SPON1: variants seen among roughly 807,000 people sequenced by gnomAD.
The protein encoded by SPON1 is spondin-1.
In SPON1, 52 loss-of-function variants were observed where a neutral mutation model predicts 111.7. The observed-to-expected ratio is 0.47, with a 90% confidence interval of 0.37 to 0.59. SPON1 has a LOEUF of 0.59. Ranked by LOEUF, SPON1 falls within the 20% of genes least tolerant of loss-of-function variation. The probability of loss-of-function intolerance (pLI) is 0.00; values close to 1 mark genes in which losing one functional copy is unlikely to be tolerated. For missense variants in SPON1, 957 were observed against 1,068.5 expected (o/e 0.90, Z 1.46); for synonymous variants, 410 against 395.8 (o/e 1.04, Z -0.43).
chr11:14,186,652 T>G (rs782025624), intron 6 of SPON1, among the ~76,000 whole-genome samples: 1 of 152,234 alleles, frequency 6.6e-6, no homozygotes, highest in African/African-American at 2.4e-5. Flanking sequence ...GTACCCACCC[T>G]TTGCCATCCT....
rs1232132563 is a variant in SPON1, at chr11:14,035,288, G to A, written c.346-6233G>A. ...TATGGCCAAGTAGGGCTGACCTCAA[G>A]CCCTAGCTCTGCCATTCTGGGACTT... On this transcript the variant is annotated intron_variant, in intron 2 of 15. Transcript: ENST00000576479. Among the ~76,000 whole-genome samples, 3 of 152,124 alleles carry A rather than the reference G, an allele frequency of 2.0e-5. No homozygotes were observed. The East Asian group carries it at 5.8e-4, about 29-fold the overall frequency.
At chr11:13,985,915 A>C (rs918540623) in intron 2 of SPON1, among the ~76,000 whole-genome samples, 2 of 152,184 alleles carry the variant, frequency 1.3e-5, no homozygotes, top group African/African-American at 4.8e-5. Flanking sequence ...ATTTGGGGGA[A>C]GGAATCATAG....
intron 6 of SPON1, among the ~76,000 whole-genome samples, chr11:14,237,216 A>AT (rs1303853668): frequency 1.3e-5 from 2 of 152,296 alleles, no homozygotes; most frequent in African/African-American, 4.8e-5. Context: ...CAGGATGGAT[A>AT]TTTTTTGTGC....
intron 2 of SPON1, among the ~76,000 whole-genome samples, chr11:14,024,037 G>C (rs1200476573): frequency 6.6e-6 from 1 of 151,972 alleles, no homozygotes; most frequent in Non-Finnish European, 1.5e-5. Flanking sequence ...GAGCAATTTG[G>C]GGACCTTATC....
At chr11:13,988,620 T>A (rs1848203815) in intron 2 of SPON1, among the ~76,000 whole-genome samples, 1 of 152,246 alleles carries the variant, frequency 6.6e-6, no homozygotes, top group Non-Finnish European at 1.5e-5. Context: ...ATCCTTGTCC[T>A]GTGCCGGTTT....
At chr11:13,963,247 C>A in intron 1 of SPON1, 105 bp downstream of exon 1, 2 of 842,928 alleles carry the variant, frequency 2.4e-6, no homozygotes, top group South Asian at 2.0e-5. Flanking sequence ...GCGCGTGGCG[C>A]GGGTGCAGCC....
At chr11:14,123,092 A>G (rs1332556609) in intron 5 of SPON1, among the ~76,000 whole-genome samples, 1 of 152,024 alleles carries the variant, frequency 6.6e-6, no homozygotes, top group Non-Finnish European at 1.5e-5. Context: ...CACCATGCCC[A>G]GCTAGTTTTT....
intron 5 of SPON1, among the ~76,000 whole-genome samples, chr11:14,093,746 AT>A (rs1390334325): frequency 6.6e-6 from 1 of 152,178 alleles, no homozygotes; most frequent in Non-Finnish European, 1.5e-5. Context: ...TTCTTCATAT[AT>A]TCATCTATGT....
At chr11:13,998,106 C>T (rs1454780491) in intron 2 of SPON1, among the ~76,000 whole-genome samples, 1 of 152,160 alleles carries the variant, frequency 6.6e-6, no homozygotes, top group African/African-American at 2.4e-5. Flanking sequence ...AATGTATTAA[C>T]CCCTCTTCAA....
intron 1 of SPON1, among the ~76,000 whole-genome samples, chr11:13,974,821 C>T (rs782308847): frequency 2.6e-5 from 4 of 152,184 alleles, no homozygotes; most frequent in Admixed American, 6.5e-5. Context: ...CTTATCAAGG[C>T]ATTGAAGGCC....
chr11:14,101,174 C>A (rs575918673), intron 5 of SPON1, among the ~76,000 whole-genome samples: 7 of 151,812 alleles, frequency 4.6e-5, no homozygotes, highest in African/African-American at 9.7e-5. Context: ...CTGAGGTGGG[C>A]GGATCACCCA....
At chr11:14,262,264 C>T (rs1223826236) in intron 14 of SPON1, among the ~76,000 whole-genome samples, 1 of 152,180 alleles carries the variant, frequency 6.6e-6, no homozygotes, top group Non-Finnish European at 1.5e-5. Flanking sequence ...TGGTATTGGT[C>T]CACAAGGGTC....
chr11:13,989,896 C>G (rs1848214048), intron 2 of SPON1, among the ~76,000 whole-genome samples: 1 of 152,148 alleles, frequency 6.6e-6, no homozygotes, highest in South Asian at 2.1e-4. Flanking sequence ...TTTGATTGCA[C>G]TGTGGTCTGA....
chr11:13,966,535 A>G (rs1221907524), intron 1 of SPON1, among the ~76,000 whole-genome samples: 1 of 152,272 alleles, frequency 6.6e-6, no homozygotes, highest in Non-Finnish European at 1.5e-5. Context: ...TGTATTTTAA[A>G]GAGACATTTC....
At chr11:14,113,884 G>A (rs1177375975) in intron 5 of SPON1, among the ~76,000 whole-genome samples, 12 of 152,106 alleles carry the variant, frequency 7.9e-5, no homozygotes, top group Non-Finnish European at 1.5e-4. Context: ...GATTACAGGC[G>A]TGAGCCACCG....
chr11:14,148,682 T>G (rs1318395165), intron 6 of SPON1, among the ~76,000 whole-genome samples: 1 of 152,200 alleles, frequency 6.6e-6, no homozygotes, highest in Non-Finnish European at 1.5e-5. Flanking sequence ...ACACAGGACT[T>G]TTGACTTCCC....
intron 1 of SPON1, among the ~76,000 whole-genome samples, chr11:13,973,463 C>T (rs1554908815): frequency 6.6e-6 from 1 of 152,198 alleles, no homozygotes; most frequent in African/African-American, 2.4e-5. Context: ...ATTCCTCCTG[C>T]TATCCACGTG....
rs1849261922 is a variant in SPON1, at chr11:14,265,914, G to T, written c.*227G>T. 6.3e-6 allele frequency: 3 copies of T among 478,124 alleles called. No individual in the cohort carries two copies. The East Asian group carries it at 1.2e-4, about 19-fold the overall frequency. The allele number at this position is 478,124 out of a possible 1,614,324, so 29.6% of individuals were successfully genotyped here. ...CCAGCCAGCCTCTTCCTGCAGAGGA[G>T]TAGTGTCAGCCACCTTGTACTAAGC... On this transcript the variant is annotated 3_prime_UTR_variant, in exon 16 of 16. Coordinates refer to ENST00000576479, the MANE Select transcript of SPON1 (RefSeq NM_006108.4).
At chr11:14,172,037 T>G (rs1438291653) in intron 6 of SPON1, among the ~76,000 whole-genome samples, 1 of 152,236 alleles carries the variant, frequency 6.6e-6, no homozygotes, top group Non-Finnish European at 1.5e-5. Context: ...GTTCAATTCC[T>G]GGATATCCTT....
Sources: allele counts gnomAD v4.1 joint callset (sites outside exome capture counted in the v4.1 genomes callset), GRCh38; gene constraint gnomAD v4.1.1; transcripts MANE v1.5; gene names NCBI Gene and HGNC (gene_info 2026-07-23, HGNC 2026-07-21).